Variants in RBFOX1 observed in about 807,000 individuals in gnomAD.
RBFOX1 encodes the protein RNA binding protein fox-1 homolog 1.
RBFOX1 carries 8 observed loss-of-function variants against 57.7 expected under a neutral mutation model. The observed-to-expected ratio is 0.14, with a 90% CI of 0.08 to 0.25. RBFOX1 has a LOEUF of 0.25. RBFOX1 is among the 10% of genes least tolerant of loss of function. The probability of loss-of-function intolerance (pLI) is 1.00; values close to 1 mark genes in which losing one functional copy is unlikely to be tolerated. For synonymous variants in RBFOX1, 326 were observed against 222.4 expected, an observed-to-expected ratio of 1.47 and a Z score of -4.15; for missense variants, 611 against 548.5, an observed-to-expected ratio of 1.11 and a Z score of -1.14.
intron 3 of RBFOX1, among the ~76,000 whole-genome samples, chr16:5,698,063 A>G (rs926881787): frequency 1.3e-5 from 2 of 152,052 alleles, no homozygotes; most frequent in Non-Finnish European, 2.9e-5. Context: ...TTGAATCGTT[A>G]TTGGATTTTT....
chr16:7,296,033 C>A (rs779498910), intron 4 of RBFOX1, among the ~76,000 whole-genome samples: 1 of 151,614 alleles, frequency 6.6e-6, no homozygotes, highest in Non-Finnish European at 1.5e-5. Flanking sequence ...TGATAGCTAA[C>A]AAGTATTGTT....
intron 4 of RBFOX1, among the ~76,000 whole-genome samples, chr16:7,482,951 C>T (rs2151283736): frequency 6.6e-6 from 1 of 152,254 alleles, no homozygotes; most frequent in South Asian, 2.1e-4. Flanking sequence ...TTGGAAAAGA[C>T]CTTCACCTGG....
Position 7,579,818 on chromosome 16 carries a change from A to C in RBFOX1, c.312A>C (p.Thr104=). Residue 104 remains threonine, a synonymous_variant, in exon 6 of 16, where the codon ACA becomes ACC. Coordinates refer to ENST00000550418, the MANE Select transcript of RBFOX1 (RefSeq NM_018723.4). ...DAAPTDGQPQ[T]QPSENTENKS... is the part of the protein sequence containing the mutation. ...CACCGACGGATGGCCAGCCCCAGAC[A>C]CAACCTTCTGAAAACACGGAAAACA... 6.2e-7 allele frequency: 1 copy of C among 1,614,114 alleles called. No individual in the cohort carries two copies. The highest frequency in any genetic ancestry group is 8.5e-7 in the Non-Finnish European group (1 of 1,179,984).
At chr16:5,962,835 T>C (rs1284545342) in intron 4 of RBFOX1, among the ~76,000 whole-genome samples, 1 of 150,930 alleles carries the variant, frequency 6.6e-6, no homozygotes, top group African/African-American at 2.4e-5. Context: ...TTTTTTTTTT[T>C]TTAATATATA....
In RBFOX1 at chr16:6,895,488, T is replaced by TATATA. The variant is rs1567761887; in HGVS notation, c.-15-156569_-15-156568insATATA. Among the ~76,000 whole-genome samples the TATATA allele has an allele frequency of 9.2e-4, 60 of 65,534 alleles. 1 individual carries two copies. The highest frequency in any genetic ancestry group is 2.0e-3 in the East Asian group (3 of 1,494). The allele number at this position is 65,534 out of a possible 152,430, so 43.0% of individuals were successfully genotyped here. Reference sequence around the variant, plus strand: ...TATATATATATATATATATATATATTTATTCCCCTATTGGATAACAAGCTG... The same window carrying TATATA: ...TATATATATATATATATATATATATTATATATATTCCCCTATTGGATAACAAGCTG... On this transcript the variant is annotated intron_variant, in intron 3 of 15. Transcript: ENST00000550418.
At chr16:6,212,047 G>T (rs2097301947) in intron 1 of RBFOX1, among the ~76,000 whole-genome samples, 1 of 151,958 alleles carries the variant, frequency 6.6e-6, no homozygotes, top group South Asian at 2.1e-4. Context: ...TAGTAGAGAT[G>T]GAGTTTTGCC....
chr16:7,182,419 T>A (rs556210875), intron 4 of RBFOX1, among the ~76,000 whole-genome samples: 9 of 152,218 alleles, frequency 5.9e-5, no homozygotes, highest in Non-Finnish European at 1.3e-4. Flanking sequence ...TTCGTTCATG[T>A]TCTTGGCTCG....
At chr16:6,854,179 C>T (rs1286979966) in intron 3 of RBFOX1, among the ~76,000 whole-genome samples, 1 of 152,038 alleles carries the variant, frequency 6.6e-6, no homozygotes, top group Non-Finnish European at 1.5e-5. Flanking sequence ...GTTTCAATAA[C>T]GGTTTCTGGG....
chr16:5,901,065 G>T (rs907987659), intron 4 of RBFOX1, among the ~76,000 whole-genome samples: 8 of 152,156 alleles, frequency 5.3e-5, no homozygotes, highest in African/African-American at 1.9e-4. Context: ...CAGAGCACCA[G>T]CCCTTCTTCA....
intron 2 of RBFOX1, among the ~76,000 whole-genome samples, chr16:6,612,859 A>AT (rs1395580485): frequency 1.4e-3 from 101 of 72,674 alleles, no homozygotes; most frequent in East Asian, 4.1e-3. Context: ...CAAAAAAAAA[A>AT]AAAAAATAAT....
chr16:6,862,893 G>C (rs1264461043), intron 3 of RBFOX1, among the ~76,000 whole-genome samples: 1 of 143,572 alleles, frequency 7.0e-6, no homozygotes, highest in African/African-American at 2.5e-5. Context: ...GTTGAGGCAG[G>C]AGAATCACTT....
In RBFOX1 at chr16:6,846,252, T is replaced by C. The variant is rs142703832; in HGVS notation, c.-16+191602T>C. Among the ~76,000 whole-genome samples the C allele has an allele frequency of 3.7e-3, 559 of 152,304 alleles. 6 individuals carry two copies. Among genetic ancestry groups the C allele is most frequent in the African/African-American group, 0.013 (539 of 41,560 alleles). ...CAGTCTGTGTGATAGCTTCACCTCCTATTACGTGAATTGGCCCGAAGATCC... is the reference window on the plus strand; with the variant it reads ...CAGTCTGTGTGATAGCTTCACCTCCCATTACGTGAATTGGCCCGAAGATCC... On this transcript the variant is annotated intron_variant, in intron 3 of 15. Transcript: ENST00000550418.
intron 2 of RBFOX1, among the ~76,000 whole-genome samples, chr16:5,517,964 A>G (rs1251095628): frequency 7.4e-6 from 1 of 134,538 alleles, no homozygotes; most frequent in African/African-American, 2.9e-5. Flanking sequence ...GTGTGTGTGT[A>G]GTGGCTTTTA....
At chr16:7,022,328 C>T (rs2039553811) in intron 3 of RBFOX1, among the ~76,000 whole-genome samples, 1 of 151,624 alleles carries the variant, frequency 6.6e-6, no homozygotes, top group South Asian at 2.1e-4. Flanking sequence ...GCTGGGATTG[C>T]AGGCATGAAC....
intron 3 of RBFOX1, among the ~76,000 whole-genome samples, chr16:5,689,799 A>G (rs921480549): frequency 4.0e-4 from 27 of 68,032 alleles, no homozygotes; most frequent in Non-Finnish European, 1.0e-3. Flanking sequence ...AATAAGAAAT[A>G]CAGACCAAAA....
intron 4 of RBFOX1, among the ~76,000 whole-genome samples, chr16:7,501,608 C>G (rs189182136): frequency 5.8e-4 from 88 of 152,280 alleles, no homozygotes; most frequent in African/African-American, 2.0e-3. Flanking sequence ...CTTTGTTCTA[C>G]TTTGTTTTCT....
chr16:5,464,995 G>A (rs897387602), intron 1 of RBFOX1, among the ~76,000 whole-genome samples: 8 of 152,206 alleles, frequency 5.3e-5, no homozygotes, highest in Non-Finnish European at 7.3e-5. Context: ...GAGACTGGGA[G>A]GAGAGGACCT....
intron 3 of RBFOX1, among the ~76,000 whole-genome samples, chr16:6,742,416 T>G (rs2072460643): frequency 1.3e-5 from 2 of 152,178 alleles, no homozygotes; most frequent in Admixed American, 1.3e-4. Context: ...TCTGGCAAAT[T>G]GTTTGTAGTT....
chr16:7,128,363 G>T (rs1180282392), intron 4 of RBFOX1, among the ~76,000 whole-genome samples: 1 of 141,584 alleles, frequency 7.1e-6, no homozygotes, highest in African/African-American at 2.6e-5. Context: ...CTTAGCTATT[G>T]CTGTGTAATG....
Sources: gnomAD v4.1 joint callset for allele counts (sites outside exome capture counted in the v4.1 genomes callset) on GRCh38, gnomAD v4.1.1 for gene constraint, MANE v1.5 for transcripts, NCBI Gene and HGNC (gene_info 2026-07-23, HGNC 2026-07-21) for gene names.